Variants in CCDC171 observed in about 807,000 individuals in gnomAD.
CCDC171 encodes coiled-coil domain-containing protein 171.
In CCDC171, 177 loss-of-function variants were observed where a neutral mutation model predicts 168.2. The observed-to-expected ratio is 1.05, with a 90% CI of 0.93 to 1.19. The LOEUF is 1.19. CCDC171 is among the 50% of genes most tolerant of loss of function. The probability of loss-of-function intolerance (pLI) is 0.00; values close to 1 mark genes in which losing one functional copy is unlikely to be tolerated. For synonymous variants in CCDC171, 687 were observed against 540.8 expected (o/e 1.27, Z -3.75); for missense variants, 1,991 against 1,539.0 (o/e 1.29, Z -4.91).
At chr9:15,912,500 GT>G (rs1823833269) in intron 24 of CCDC171, among the ~76,000 whole-genome samples, 1 of 152,116 alleles carries the variant, frequency 6.6e-6, no homozygotes, top group Non-Finnish European at 1.5e-5. Flanking sequence ...GCAAACAGAG[GT>G]AATTGACTTC....
intron 6 of CCDC171, among the ~76,000 whole-genome samples, chr9:15,623,041 T>C (rs980373761): frequency 6.6e-6 from 1 of 152,230 alleles, no homozygotes; most frequent in Non-Finnish European, 1.5e-5. Context: ...TTTTCCGTTG[T>C]AATATTAATC....
At position 15,649,682 on chromosome 9, in the gene CCDC171, A is replaced by G. The variant is rs560317491; in HGVS notation, c.823-7445A>G. ...ATCACTGGCCATCAGAGAAATGCAA[A>G]TCAAAACCACAATGAGATACCATCT... On this transcript the variant is annotated intron_variant, in intron 7 of 25. Coordinates refer to ENST00000380701, the MANE Select transcript of CCDC171 (RefSeq NM_173550.4). 5.3e-5 allele frequency among the ~76,000 whole-genome samples: 8 copies of G among 152,322 alleles called. No individual in the cohort carries two copies. In the East Asian group the frequency reaches 1.5e-3, roughly 29 times the overall value.
chr9:15,715,718 A>T (rs2053032017), intron 11 of CCDC171, among the ~76,000 whole-genome samples: 1 of 152,220 alleles, frequency 6.6e-6, no homozygotes, highest in African/African-American at 2.4e-5. Context: ...AGTAGGTAAC[A>T]AGGTGGTTAA....
intron 24 of CCDC171, chr9:15,882,979 A>AGCCAGCCT (rs1173701657): frequency 1.4e-4 from 5 of 36,774 alleles, no homozygotes; most frequent in African/African-American, 4.5e-4. Context: ...GATAAAAGCC[A>AGCCAGCCT]GCCTGCCTGC....
At chr9:16,029,207 G>T (rs1034510268) in intron 6 of CCDC171, among the ~76,000 whole-genome samples, 2 of 152,178 alleles carry the variant, frequency 1.3e-5, no homozygotes, top group Admixed American at 1.3e-4. Context: ...TCTGATTTGG[G>T]CTTGTTTTAC....
At chr9:16,075,940 C>A in the CCDC171 span, among the ~76,000 whole-genome samples, 1 of 152,210 alleles carries the variant, frequency 6.6e-6, no homozygotes, top group Admixed American at 6.5e-5. Flanking sequence ...AGTAAGCACA[C>A]TGTTTTATGA....
chr9:15,681,437 T>G (rs942198321), intron 10 of CCDC171, among the ~76,000 whole-genome samples: 11 of 152,118 alleles, frequency 7.2e-5, no homozygotes, highest in African/African-American at 2.7e-4. Context: ...ATCTTCCTCT[T>G]CTTTCTTCTT....
chr9:15,795,219 AG>A (rs1366693159), intron 21 of CCDC171, among the ~76,000 whole-genome samples: 1 of 152,170 alleles, frequency 6.6e-6, no homozygotes, highest in Non-Finnish European at 1.5e-5. Context: ...GAAGTAGGGA[AG>A]GGGGCCAAAC....
chr9:15,709,492 G>C (rs2052495581), intron 11 of CCDC171, among the ~76,000 whole-genome samples: 1 of 152,128 alleles, frequency 6.6e-6, no homozygotes, highest in Non-Finnish European at 1.5e-5. Flanking sequence ...CCAATGAAAA[G>C]ATTGTACGTC....
intron 1 of CCDC171, among the ~76,000 whole-genome samples, chr9:15,560,333 G>A (rs1480283697): frequency 5.9e-5 from 9 of 152,124 alleles, no homozygotes; most frequent in Non-Finnish European, 1.0e-4. Flanking sequence ...TTTCCACTGG[G>A]TTCCATTCTC....
chr9:15,838,392 A>G (rs1443912228), intron 21 of CCDC171, among the ~76,000 whole-genome samples: 1 of 152,176 alleles, frequency 6.6e-6, no homozygotes, highest in Non-Finnish European at 1.5e-5. Context: ...GTATTTCTTT[A>G]ATTAGACAGT....
At chr9:15,627,460 T>A (rs2045252355) in intron 7 of CCDC171, among the ~76,000 whole-genome samples, 1 of 152,202 alleles carries the variant, frequency 6.6e-6, no homozygotes, top group South Asian at 2.1e-4. Flanking sequence ...CATTTAGTGC[T>A]GCAAATTTCC....
At chr9:16,058,398 A>AGCAGGTATGCT (rs573062687) in intron 1 of CCDC171, among the ~76,000 whole-genome samples, 23 of 152,204 alleles carry the variant, frequency 1.5e-4, no homozygotes, top group Admixed American at 5.2e-4. Flanking sequence ...CTGCAGTGAC[A>AGCAGGTATGCT]GCAGGTATGC....
chr9:16,061,412 T>TAG (rs1833929461), downstream of CCDC171: 1 of 152,206 alleles, frequency 6.6e-6, no homozygotes, highest in South Asian at 2.1e-4. Context: ...CTTAATCTAT[T>TAG]AGATCCCATT....
chr9:15,641,962 G>A (rs538866162), intron 7 of CCDC171, among the ~76,000 whole-genome samples: 71 of 152,216 alleles, frequency 4.7e-4, no homozygotes, highest in African/African-American at 1.5e-3. Context: ...TCAAGAGTCC[G>A]AGATCAGCCT....
At chr9:15,923,161 A>G (rs1055725341) in intron 25 of CCDC171, among the ~76,000 whole-genome samples, 11 of 151,310 alleles carry the variant, frequency 7.3e-5, no homozygotes, top group Non-Finnish European at 1.3e-4. Flanking sequence ...GAGTTACCCC[A>G]TGCTTTCTTC....
At chr9:15,950,837 T>C (rs573668554) in intron 25 of CCDC171, among the ~76,000 whole-genome samples, 1 of 151,420 alleles carries the variant, frequency 6.6e-6, no homozygotes, top group African/African-American at 2.4e-5. Flanking sequence ...GTAAATTGGA[T>C]AAAGAGTCAA....
chr9:15,597,314 C>T (rs1360974430), intron 6 of CCDC171, among the ~76,000 whole-genome samples: 4 of 152,060 alleles, frequency 2.6e-5, no homozygotes, highest in South Asian at 2.1e-4. Context: ...TTTTGAGATA[C>T]GTCCCATCAA....
At chr9:15,764,806 A>G (rs756551871) in intron 18 of CCDC171, among the ~76,000 whole-genome samples, 34 of 152,194 alleles carry the variant, frequency 2.2e-4, no homozygotes, top group Non-Finnish European at 4.4e-4. Flanking sequence ...GTTGTACATT[A>G]GAATTACCTG....
Sources: allele counts gnomAD v4.1 joint callset (sites outside exome capture counted in the v4.1 genomes callset), GRCh38; gene constraint gnomAD v4.1.1; transcripts MANE v1.5; gene names NCBI Gene and HGNC (gene_info 2026-07-23, HGNC 2026-07-21).